MAF: variants seen among roughly 807,000 people sequenced by gnomAD.
The protein encoded by MAF is MAF bZIP transcription factor, also known as transcription factor Maf.
Under a neutral mutation model 22.0 loss-of-function variants are expected in MAF, and 10 were observed. The ratio of observed to expected loss-of-function variants is 0.45; its 90% CI spans 0.28 to 0.77. The LOEUF (loss-of-function observed/expected upper bound fraction) is 0.77, where lower values mean the gene tolerates loss of function less well. Among genes scored for constraint, MAF ranks in the 30% least tolerant of loss-of-function variants. The pLI, the probability that MAF is intolerant of heterozygous loss-of-function variation, is 0.12. For synonymous variants in MAF, 337 were observed against 255.8 expected (o/e 1.32, Z -3.03); for missense variants, 544 against 548.4 (o/e 0.99, Z 0.08).
At chr16:79,219,409 G>A in the MAF span, among the ~76,000 whole-genome samples, 1 of 152,048 alleles carries the variant, frequency 6.6e-6, no homozygotes, top group Non-Finnish European at 1.5e-5. Flanking sequence ...AAATTAGCCA[G>A]GCAAGGTGGC....
At chr16:79,409,190 T>TAA in the MAF span, among the ~76,000 whole-genome samples, 2 of 152,206 alleles carry the variant, frequency 1.3e-5, no homozygotes, top group Non-Finnish European at 2.9e-5. Context: ...ATTGGGCTTG[T>TAA]ATTCTAGGGA....
At chr16:79,457,102 G>T in the MAF span, among the ~76,000 whole-genome samples, 3 of 152,204 alleles carry the variant, frequency 2.0e-5, no homozygotes, top group South Asian at 4.2e-4. Context: ...AGAATCACAA[G>T]TGTTGATTTG....
the MAF span, among the ~76,000 whole-genome samples, chr16:79,219,827 G>A: frequency 1.3e-5 from 2 of 152,002 alleles, no homozygotes; most frequent in Non-Finnish European, 2.9e-5. Context: ...TGAACAAGTG[G>A]GAATTCCATT....
chr16:79,324,761 T>C, the MAF span, among the ~76,000 whole-genome samples: 1 of 152,166 alleles, frequency 6.6e-6, no homozygotes, highest in African/African-American at 2.4e-5. Flanking sequence ...GGGGACTGTA[T>C]TTGTTTTCTG....
At chr16:79,562,831 G>A in the MAF span, among the ~76,000 whole-genome samples, 1 of 152,190 alleles carries the variant, frequency 6.6e-6, no homozygotes, top group Non-Finnish European at 1.5e-5. Context: ...CTGGTTATGA[G>A]ACCGTCATAC....
the MAF span, among the ~76,000 whole-genome samples, chr16:79,261,400 G>A: frequency 6.8e-4 from 103 of 152,230 alleles, no homozygotes; most frequent in African/African-American, 2.2e-3. Flanking sequence ...TGATCCACCC[G>A]CCTCGGCCTC....
the MAF span, among the ~76,000 whole-genome samples, chr16:79,546,494 C>T: frequency 1.8e-4 from 28 of 152,204 alleles, no homozygotes; most frequent in South Asian, 6.2e-4. Context: ...AAAGCAGAAG[C>T]GTTCATCTTT....
chr16:79,550,376 G>T, the MAF span, among the ~76,000 whole-genome samples: 1 of 152,098 alleles, frequency 6.6e-6, no homozygotes, highest in African/African-American at 2.4e-5. Flanking sequence ...CACCCCTAAA[G>T]ACAGAAACTC....
chr16:79,426,067 A>C, the MAF span, among the ~76,000 whole-genome samples: 19 of 151,940 alleles, frequency 1.3e-4, no homozygotes, highest in African/African-American at 4.6e-4. Context: ...TTAGCTGGGC[A>C]TGGTGGCACA....
the MAF span, among the ~76,000 whole-genome samples, chr16:79,287,695 A>G: frequency 3.3e-5 from 5 of 152,180 alleles, no homozygotes; most frequent in Non-Finnish European, 5.9e-5. Flanking sequence ...TCATCCACTC[A>G]TTCTTTCATT....
the MAF span, among the ~76,000 whole-genome samples, chr16:79,510,675 G>A: frequency 6.6e-6 from 1 of 152,210 alleles, no homozygotes; most frequent in East Asian, 1.9e-4. Context: ...AGCTTCATGG[G>A]CCTGTGACCT....
At chr16:79,407,790 G>A in the MAF span, among the ~76,000 whole-genome samples, 1 of 152,008 alleles carries the variant, frequency 6.6e-6, no homozygotes, top group Non-Finnish European at 1.5e-5. Context: ...AGATCCAGTC[G>A]AGCCGCCCCA....
chr16:79,481,651 C>G, the MAF span, among the ~76,000 whole-genome samples: 2 of 151,900 alleles, frequency 1.3e-5, no homozygotes, highest in African/African-American at 4.8e-5. Context: ...CACCCATCCA[C>G]TCATCCACCT....
chr16:79,481,127 C>T, the MAF span, among the ~76,000 whole-genome samples: 172 of 152,294 alleles, frequency 1.1e-3, no homozygotes, highest in African/African-American at 4.0e-3. Flanking sequence ...TGGCTGACAG[C>T]CCATGTGTTG....
the MAF span, among the ~76,000 whole-genome samples, chr16:79,433,656 G>C: frequency 6.6e-6 from 1 of 152,104 alleles, no homozygotes; most frequent in East Asian, 1.9e-4. Flanking sequence ...CCGGGAGGGA[G>C]TGCTCAAACT....
chr16:79,547,880 G>T, the MAF span, among the ~76,000 whole-genome samples: 3 of 123,480 alleles, frequency 2.4e-5, no homozygotes, highest in African/African-American at 1.0e-4. Flanking sequence ...GTGTGTGTGT[G>T]CGTGTGTGTG....
the MAF span, among the ~76,000 whole-genome samples, chr16:79,305,472 C>G: frequency 1.3e-5 from 2 of 152,080 alleles, no homozygotes; most frequent in African/African-American, 2.4e-5. Flanking sequence ...GAGGAGTGCA[C>G]CTTCCTCAGA....
At chr16:79,354,350 G>A in the MAF span, among the ~76,000 whole-genome samples, 1 of 152,170 alleles carries the variant, frequency 6.6e-6, no homozygotes, top group Admixed American at 6.5e-5. Context: ...GAACACACGA[G>A]ATGGTGAGGA....
the MAF span, among the ~76,000 whole-genome samples, chr16:79,284,803 C>A: frequency 6.6e-6 from 1 of 152,072 alleles, no homozygotes; most frequent in Non-Finnish European, 1.5e-5. Context: ...GAACAAACTT[C>A]AAGTGTGCAC....
Sources: gnomAD v4.1 joint callset for allele counts (sites outside exome capture counted in the v4.1 genomes callset) on GRCh38, gnomAD v4.1.1 for gene constraint, MANE v1.5 for transcripts, NCBI Gene and HGNC (gene_info 2026-07-23, HGNC 2026-07-21) for gene names.